Variants in TNFRSF11B observed in about 807,000 individuals in gnomAD.
TNFRSF11B encodes tumor necrosis factor receptor superfamily member 11B.
Under a neutral mutation model 43.4 loss-of-function variants are expected in TNFRSF11B, and 16 were observed. The observed-to-expected ratio is 0.37, with a 90% CI of 0.25 to 0.56. The LOEUF (loss-of-function observed/expected upper bound fraction) is 0.56. Among genes scored for constraint, TNFRSF11B ranks in the 20% least tolerant of loss-of-function variants. The pLI, the probability that TNFRSF11B is intolerant of heterozygous loss-of-function variation, is 0.80. For synonymous variants in TNFRSF11B, 185 were observed against 181.8 expected (o/e 1.02, Z -0.14); for missense variants, 444 against 490.1 (o/e 0.91, Z 0.89).
Position 118,933,130 on chromosome 8 carries a change from G to A in TNFRSF11B, c.201C>T (p.Asp67=). 6.2e-7 allele frequency: 1 copy of A among 1,614,194 alleles called. No homozygotes were observed. Among genetic ancestry groups the A allele is most frequent in the Non-Finnish European group, 8.5e-7 (1 of 1,180,036 alleles). Residue 67 remains aspartate (D), a synonymous_variant, in exon 2 of 5, where the codon GAC becomes GAT. Coordinates refer to ENST00000297350, the MANE Select transcript of TNFRSF11B (RefSeq NM_002546.4). ...TGTGCCAGCTGTCTGTGTAGTAGTG[G>A]TCAGGGCAAGGGGCGCACACGGTCT... is the stretch of plus-strand genomic sequence containing the variant. ...KWKTVCAPCP[D]HYYTDSWHTS...
At chr8:118,930,850 T>C (rs1450684139) in intron 2 of TNFRSF11B, 1 of 397,636 alleles carries the variant, frequency 2.5e-6, no homozygotes, top group African/African-American at 2.1e-5. Context: ...AATCTAAGAA[T>C]GACAGAACTA....
intron 1 of TNFRSF11B, among the ~76,000 whole-genome samples, chr8:118,948,777 A>C (rs970857259): frequency 4.8e-5 from 5 of 103,322 alleles, no homozygotes; most frequent in African/African-American, 2.5e-4. Flanking sequence ...AACAACAAAA[A>C]AACAAACAAA....
intron 1 of TNFRSF11B, among the ~76,000 whole-genome samples, chr8:118,935,932 G>A (rs62532187): frequency 7.4e-4 from 113 of 152,132 alleles, no homozygotes; most frequent in Non-Finnish European, 1.5e-3. Flanking sequence ...TGGTTCAGGT[G>A]TGCCCATTTG....
At chr8:118,934,476 G>A (rs759882705) in intron 1 of TNFRSF11B, among the ~76,000 whole-genome samples, 13 of 152,202 alleles carry the variant, frequency 8.5e-5, no homozygotes, top group Non-Finnish European at 1.8e-4. Flanking sequence ...GGGATCAGAA[G>A]TTTCCATACA....
chr8:118,935,771 T>C (rs1812397788), intron 1 of TNFRSF11B, among the ~76,000 whole-genome samples: 1 of 151,518 alleles, frequency 6.6e-6, no homozygotes, highest in Non-Finnish European at 1.5e-5. Context: ...CTTTTGAGAG[T>C]TGTGTTTGCT....
intron 1 of TNFRSF11B, among the ~76,000 whole-genome samples, chr8:118,948,322 A>T (rs950382422): frequency 3.9e-5 from 6 of 152,110 alleles, no homozygotes; most frequent in Non-Finnish European, 5.9e-5. Flanking sequence ...GAGAAACTCA[A>T]ACTAAAGGAA....
At chr8:118,940,811 T>C (rs1338356148) in intron 1 of TNFRSF11B, among the ~76,000 whole-genome samples, 2 of 152,172 alleles carry the variant, frequency 1.3e-5, no homozygotes, top group African/African-American at 2.4e-5. Context: ...TCTTCCCAAT[T>C]GGCATCATTT....
intron 1 of TNFRSF11B, among the ~76,000 whole-genome samples, chr8:118,950,484 C>T (rs773947824): frequency 4.6e-5 from 7 of 152,182 alleles, no homozygotes; most frequent in Non-Finnish European, 7.4e-5. Flanking sequence ...AATCAGAATA[C>T]TGATTGTTCT....
rs11573922 is a variant in TNFRSF11B at position 118,929,068 on chromosome 8, T to G, written c.401-139A>C. The stretch of plus-strand genomic sequence containing the variant: ...GTTGCACAAAACTCTAGCATTTTCA[T>G]TTTTCACTTCATTAGACAGAACAAA... On this transcript the variant is annotated intron_variant, in intron 2 of 4. Coordinates refer to ENST00000297350, the MANE Select transcript of TNFRSF11B (RefSeq NM_002546.4). 661 of 777,930 alleles carry G rather than the reference T, an allele frequency of 8.5e-4. No individual in the cohort carries two copies. The African/African-American group carries it at 9.5e-3, about 11-fold the overall frequency. The allele number at this position is 777,930 out of a possible 1,614,324, so 48.2% of individuals were successfully genotyped here.
chr8:118,948,890 A>T (rs1205080668), intron 1 of TNFRSF11B, among the ~76,000 whole-genome samples: 2 of 152,202 alleles, frequency 1.3e-5, no homozygotes, highest in Non-Finnish European at 2.9e-5. Context: ...GAAAACAGAC[A>T]GACCAGACAT....
At chr8:118,931,675 A>G (rs1872425) in intron 2 of TNFRSF11B, among the ~76,000 whole-genome samples, 12,775 of 152,274 alleles carry the variant, frequency 0.084, 701 homozygotes, top group Middle Eastern at 0.18. Flanking sequence ...CTCTGATGCA[A>G]TTTGCATCTT....
intron 1 of TNFRSF11B, among the ~76,000 whole-genome samples, chr8:118,933,863 A>G (rs1812365625): frequency 6.6e-6 from 1 of 152,214 alleles, no homozygotes; most frequent in African/African-American, 2.4e-5. Context: ...CTGAGCCCTT[A>G]GTATGTGCCA....
chr8:118,927,755 C>A (rs1414961870), intron 3 of TNFRSF11B, among the ~76,000 whole-genome samples: 1 of 151,868 alleles, frequency 6.6e-6, no homozygotes, highest in Non-Finnish European at 1.5e-5. Flanking sequence ...TGATTAAACA[C>A]AAAAAAGCAA....
intron 1 of TNFRSF11B, among the ~76,000 whole-genome samples, chr8:118,940,935 G>T (rs1297547516): frequency 6.6e-6 from 1 of 152,064 alleles, no homozygotes; most frequent in African/African-American, 2.4e-5. Context: ...TCTTACACAT[G>T]GCAAGTATTC....
At chr8:118,940,813 G>A (rs1450149146) in intron 1 of TNFRSF11B, among the ~76,000 whole-genome samples, 1 of 152,070 alleles carries the variant, frequency 6.6e-6, no homozygotes, top group Non-Finnish European at 1.5e-5. Flanking sequence ...TTCCCAATTG[G>A]CATCATTTTC....
chr8:118,939,944 C>A (rs375595042), intron 1 of TNFRSF11B, among the ~76,000 whole-genome samples: 3 of 152,202 alleles, frequency 2.0e-5, no homozygotes, highest in South Asian at 4.2e-4. Flanking sequence ...AGAGATAGCA[C>A]AGATAATTTT....
At chr8:118,943,336 T>C (rs183333160) in intron 1 of TNFRSF11B, among the ~76,000 whole-genome samples, 2 of 152,270 alleles carry the variant, frequency 1.3e-5, no homozygotes, top group East Asian at 3.9e-4. Flanking sequence ...GGTAAACACC[T>C]GAAGCTGAAG....
chr8:118,945,924 G>C (rs565044059), intron 1 of TNFRSF11B, among the ~76,000 whole-genome samples: 2 of 152,034 alleles, frequency 1.3e-5, no homozygotes, highest in Non-Finnish European at 2.9e-5. Context: ...GTCTGAATTG[G>C]AGTAGAAATC....
At position 118,924,360 on chromosome 8, in the gene TNFRSF11B, A is replaced by G. The variant is rs1200937020; in HGVS notation, c.*14T>C. The G allele has an allele frequency of 6.2e-7, 1 of 1,613,780 alleles. No homozygotes were observed. Among genetic ancestry groups the G allele is most frequent in the Non-Finnish European group, 8.5e-7 (1 of 1,179,818 alleles). Reference sequence around the variant, plus strand: ...TCGCCAATTGTGAGGAAACAGCTCAATGGCCATTTCCAGTTATAAGCAGCT... The same window carrying G: ...TCGCCAATTGTGAGGAAACAGCTCAGTGGCCATTTCCAGTTATAAGCAGCT... On this transcript the variant is annotated 3_prime_UTR_variant, in exon 5 of 5. Transcript: ENST00000297350.
Sources: allele counts gnomAD v4.1 joint callset (sites outside exome capture counted in the v4.1 genomes callset), GRCh38; gene constraint gnomAD v4.1.1; transcripts MANE v1.5; gene names NCBI Gene and HGNC (gene_info 2026-07-23, HGNC 2026-07-21).